Variants in BARHL2 observed in about 807,000 individuals in gnomAD.
The protein encoded by BARHL2 is BarH like homeobox 2.
Under a neutral mutation model 27.1 loss-of-function variants are expected in BARHL2, and 10 were observed. The observed-to-expected ratio is 0.37, with a 90% CI of 0.23 to 0.63. BARHL2 has a LOEUF of 0.63. Ranked by LOEUF, BARHL2 falls within the 20% of genes least tolerant of loss-of-function variation. The probability of loss-of-function intolerance (pLI) is 0.65; values close to 1 mark genes in which losing one functional copy is unlikely to be tolerated. For synonymous variants in BARHL2, 248 were observed against 224.7 expected (o/e 1.10, Z -0.93); for missense variants, 483 against 533.5 (o/e 0.91, Z 0.93).
chr1:90,714,808 C>T (rs748991403), intron 1 of BARHL2, 52 bp from the exon 2 acceptor site: 3 of 1,558,420 alleles, frequency 1.9e-6, no homozygotes. Context: ...TGGGGAAGGA[C>T]TGAGTGTCCT....
rs768831855 is a variant in BARHL2 at position 90,716,848 on chromosome 1, C to A, written c.348G>T (p.Pro116=). The A allele has an allele frequency of 3.2e-6, 5 of 1,553,240 alleles. No homozygotes were observed. The South Asian group carries it at 5.9e-5, about 18-fold the overall frequency. The change falls in exon 1 of 3, where the codon CCG becomes CCT. Residue 116 remains proline, a synonymous_variant. Transcript: ENST00000370445. The part of the protein sequence containing the change: ...QPLPQQQQPL[P]PQQPPPPPPQ... ...GGGGCGGCGGCGGCGGCTGCTGTGG[C>A]GGCAGCGGCTGCTGCTGTTGGGGCA... is the stretch of plus-strand genomic sequence containing the variant.
Sources: gnomAD v4.1 joint callset for allele counts on GRCh38, gnomAD v4.1.1 for gene constraint, MANE v1.5 for transcripts, NCBI Gene and HGNC (gene_info 2026-07-23, HGNC 2026-07-21) for gene names.